The following KIF15 variants were observed in gnomAD, a reference collection of about 807,000 sequenced individuals.
KIF15 encodes the protein kinesin family member 15, also known as kinesin-like protein KIF15.
Under a neutral mutation model 190.6 loss-of-function variants are expected in KIF15, and 140 were observed. The ratio of observed to expected loss-of-function variants is 0.73; its 90% CI spans 0.64 to 0.84. The LOEUF (loss-of-function observed/expected upper bound fraction) is 0.84. Among genes scored for constraint, KIF15 ranks in the 40% least tolerant of loss-of-function variants. The pLI is 0.00. For missense variants in KIF15, 1,372 were observed against 1,584.4 expected (o/e 0.87, Z 2.28); for synonymous variants, 528 against 551.3 (o/e 0.96, Z 0.59).
chr3:44,767,971 T>C lies in KIF15; in HGVS notation c.19+6087T>C, dbSNP rs1258757266. On this transcript the variant is annotated intron_variant, in intron 1 of 34. Transcript: ENST00000326047. ...AAGGTTTAAATTTGTGAATCATCAA[T>C]TTGTACCTAGTATTTAAAAACAGGC... is the stretch of plus-strand genomic sequence containing the variant. Among the ~76,000 whole-genome samples the C allele has an allele frequency of 2.0e-5, 3 of 149,048 alleles. No individual in the cohort carries two copies. In the East Asian group the frequency reaches 6.0e-4, roughly 30 times the overall value.
intron 6 of KIF15, chr3:44,861,823 G>A: frequency 1.5e-6 from 2 of 1,297,634 alleles, no homozygotes; most frequent in Non-Finnish European, 2.1e-6. Flanking sequence ...CTGCCGGAGC[G>A]TGGCGTCACA....
intron 1 of KIF15, among the ~76,000 whole-genome samples, chr3:44,763,343 C>T (rs542073816): frequency 1.3e-5 from 2 of 152,208 alleles, no homozygotes; most frequent in African/African-American, 4.8e-5. Context: ...TGCTCTATTG[C>T]CGGGCTGGAG....
chr3:44,823,335 G>A (rs928391464), intron 20 of KIF15, among the ~76,000 whole-genome samples: 4 of 152,104 alleles, frequency 2.6e-5, no homozygotes, highest in East Asian at 1.9e-4. Context: ...TATCACCAGC[G>A]GAGGCTGCAG....
At chr3:44,822,134 G>T (rs1559565963) in intron 20 of KIF15, among the ~76,000 whole-genome samples, 1 of 152,186 alleles carries the variant, frequency 6.6e-6, no homozygotes, top group Non-Finnish European at 1.5e-5. Context: ...TTTTTGCAGT[G>T]GCTGGTACTG....
chr3:44,861,838 C>A, intron 6 of KIF15: 1 of 1,357,756 alleles, frequency 7.4e-7, no homozygotes, highest in Non-Finnish European at 1.0e-6. Flanking sequence ...GTCACAGGAG[C>A]GTCGCGTCAC....
chr3:44,853,705 C>T (rs879402454), downstream of KIF15, among the ~76,000 whole-genome samples: 6 of 152,312 alleles, frequency 3.9e-5, no homozygotes, highest in African/African-American at 1.4e-4. Context: ...TTTTCACCAA[C>T]ACTTGTTATT....
At chr3:44,859,807 CAGAG>C (rs1172614581) in intron 6 of KIF15, among the ~76,000 whole-genome samples, 1 of 152,194 alleles carries the variant, frequency 6.6e-6, no homozygotes, top group Non-Finnish European at 1.5e-5. Context: ...GCCTGGGTGA[CAGAG>C]AGACTCTGTC....
At chr3:44,791,020 A>C (rs551844625) in intron 7 of KIF15, among the ~76,000 whole-genome samples, 1 of 152,292 alleles carries the variant, frequency 6.6e-6, no homozygotes, top group East Asian at 1.9e-4. Flanking sequence ...ATTGTAAACC[A>C]CATAGCTATA....
chr3:44,795,047 G>A (rs969462110), intron 8 of KIF15, among the ~76,000 whole-genome samples: 1 of 152,140 alleles, frequency 6.6e-6, no homozygotes, highest in Non-Finnish European at 1.5e-5. Context: ...ATAAGAAATT[G>A]TTCCTATTGA....
chr3:44,769,442 A>G (rs952411970), intron 1 of KIF15, among the ~76,000 whole-genome samples: 4 of 152,298 alleles, frequency 2.6e-5, no homozygotes, highest in African/African-American at 9.6e-5. Context: ...GGTGCCACCC[A>G]TGAATGTCAA....
At chr3:44,838,862 T>C (rs1281450704) in intron 27 of KIF15, among the ~76,000 whole-genome samples, 2 of 152,096 alleles carry the variant, frequency 1.3e-5, no homozygotes, top group Non-Finnish European at 2.9e-5. Flanking sequence ...GGAGTATCCT[T>C]ACCTGGACTG....
intron 17 of KIF15, among the ~76,000 whole-genome samples, chr3:44,811,767 A>C (rs541224239): frequency 4.6e-5 from 7 of 152,328 alleles, no homozygotes; most frequent in African/African-American, 1.7e-4. Context: ...TTTTTTAAAA[A>C]GGTTTTCTAC....
At chr3:44,835,500 T>G (rs1317616710) in intron 26 of KIF15, among the ~76,000 whole-genome samples, 1 of 152,084 alleles carries the variant, frequency 6.6e-6, no homozygotes, top group African/African-American at 2.4e-5. Context: ...TGCCTCAGCC[T>G]CCCAAATTGC....
chr3:44,834,819 G>A (rs1296634653), intron 26 of KIF15, among the ~76,000 whole-genome samples: 1 of 151,556 alleles, frequency 6.6e-6, no homozygotes, highest in South Asian at 2.1e-4. Flanking sequence ...TATAGTCCCA[G>A]CTACTTGGGA....
chr3:44,806,157 C>G (rs1335146748), intron 16 of KIF15, among the ~76,000 whole-genome samples, 171 bp downstream of exon 16: 3 of 152,126 alleles, frequency 2.0e-5, no homozygotes, highest in African/African-American at 7.2e-5. Flanking sequence ...CTGATGTATC[C>G]CCCCAGTGGT....
intron 13 of KIF15, 115 bp downstream of exon 13, chr3:44,802,089 TC>T: frequency 1.5e-6 from 1 of 682,144 alleles, no homozygotes; most frequent in Non-Finnish European, 2.4e-6. Flanking sequence ...AGTGAATTCT[TC>T]TGACAGTGTG....
At position 44,852,712 on chromosome 3, in the gene KIF15, GA is replaced by G. The variant is rs57383241; in HGVS notation, c.4148del (p.Lys1383ArgfsTer19). ...KLRAENVFLK[E>X]KKRSES Reference sequence around the variant, plus strand: ...GCGTGCCGAAAATGTATTTTTAAAAGAAAAGAAAAGAAGTGAATCTTGAGGA... The same window carrying G: ...GCGTGCCGAAAATGTATTTTTAAAAGAAAGAAAAGAAGTGAATCTTGAGGA... On this transcript the variant is annotated frameshift_variant, in exon 35 of 35. Transcript: ENST00000326047. LOFTEE classifies it high-confidence loss of function. 3 of 1,598,810 alleles carry G rather than the reference GA, an allele frequency of 1.9e-6. No individual in the cohort carries two copies. The highest frequency in any genetic ancestry group is 2.6e-6 in the Non-Finnish European group (3 of 1,175,230).
chr3:44,773,568 A>G (rs1270334869), intron 1 of KIF15, among the ~76,000 whole-genome samples: 2 of 152,234 alleles, frequency 1.3e-5, no homozygotes, highest in East Asian at 1.9e-4. Flanking sequence ...CAGTCTCAAA[A>G]AAAAGAAGGA....
intron 6 of KIF15, chr3:44,862,186 G>A (rs935803535): frequency 4.3e-4 from 446 of 1,029,238 alleles, no homozygotes; most frequent in South Asian, 3.2e-3. Context: ...GCGGAGGAGG[G>A]GCGCTGCGGG....
Sources: allele counts gnomAD v4.1 joint callset (sites outside exome capture counted in the v4.1 genomes callset), GRCh38; gene constraint gnomAD v4.1.1; transcripts MANE v1.5; gene names NCBI Gene and HGNC (gene_info 2026-07-23, HGNC 2026-07-21).